Variants in APAF1 observed in about 807,000 individuals in gnomAD.
The protein encoded by APAF1 is apoptotic protease-activating factor 1.
In APAF1, 91 loss-of-function variants were observed where a neutral mutation model predicts 152.4. That is an observed-to-expected ratio of 0.60 (90% confidence interval 0.50 to 0.71). The LOEUF (loss-of-function observed/expected upper bound fraction) is 0.71. APAF1 is among the 30% of genes least tolerant of loss of function. The pLI is 0.00. For missense variants in APAF1, 1,283 were observed against 1,472.0 expected (o/e 0.87, Z 2.10); for synonymous variants, 484 against 494.1 (o/e 0.98, Z 0.27).
intron 13 of APAF1, 39 bp downstream of exon 13, chr12:98,677,590 T>C: frequency 6.2e-7 from 1 of 1,613,702 alleles, no homozygotes; most frequent in Non-Finnish European, 8.5e-7. Context: ...AAGAGGCATG[T>C]ATCCAGTTTT....
At chr12:98,715,600 A>G (rs1485596975) in intron 22 of APAF1, 48 bp downstream of exon 22, 4 of 1,604,278 alleles carry the variant, frequency 2.5e-6, no homozygotes, top group Non-Finnish European at 3.4e-6. Context: ...GATTCTAGCA[A>G]AGGAACACTA....
At chr12:98,648,925 A>G in intron 3 of APAF1, 110 bp downstream of exon 3, 1 of 1,071,340 alleles carries the variant, frequency 9.3e-7, no homozygotes, top group Non-Finnish European at 1.4e-6. Context: ...TGAAAACTGC[A>G]TGTTAAAAAA....
intron 9 of APAF1, 122 bp from the exon 10 acceptor site, chr12:98,667,391 C>T (rs1398808642): frequency 9.2e-6 from 11 of 1,190,478 alleles, no homozygotes; most frequent in Non-Finnish European, 1.3e-5. Flanking sequence ...GCTGGGATTA[C>T]AGGCGTGAGC....
Position 98,662,761 on chromosome 12 carries a change from G to A in APAF1, c.910G>A (p.Ala304Thr), listed in dbSNP as rs149321598. 5.6e-6 allele frequency: 9 copies of A among 1,611,724 alleles called. No homozygotes were observed. The highest frequency in any genetic ancestry group is 7.6e-6 in the Non-Finnish European group (9 of 1,179,094). ...ATCCCTTTTTGTTAATATGAAGAAG[G>A]CAGATTTGCCAGAACAAGCTCATAG... The part of the protein sequence containing the change: ...ILSLFVNMKK[A>T]DLPEQAHSII... The change falls in exon 7 of 27, where the codon GCA (alanine) becomes ACA (threonine). Residue 304 changes from alanine (A) to threonine (T), a missense_variant. Coordinates refer to ENST00000551964, the MANE Select transcript of APAF1 (RefSeq NM_181861.2).
chr12:98,706,088 A>G (rs2097721090), intron 18 of APAF1, among the ~76,000 whole-genome samples: 1 of 152,188 alleles, frequency 6.6e-6, no homozygotes, highest in Admixed American at 6.5e-5. Context: ...GTTCTTGTAC[A>G]TATTTTTCCA....
At chr12:98,717,013 A>G (rs969514015) in intron 22 of APAF1, among the ~76,000 whole-genome samples, 1 of 150,872 alleles carries the variant, frequency 6.6e-6, no homozygotes, top group African/African-American at 2.4e-5. Context: ...TTACAGCCGT[A>G]TGCCACCATG....
intron 16 of APAF1, among the ~76,000 whole-genome samples, chr12:98,687,198 A>G (rs2097698896): frequency 6.6e-6 from 1 of 152,068 alleles, no homozygotes; most frequent in African/African-American, 2.4e-5. Flanking sequence ...CCCCGTCTCT[A>G]CTAAAAATAC....
intron 17 of APAF1, 53 bp from the exon 18 acceptor site, chr12:98,703,318 G>A: frequency 1.3e-6 from 2 of 1,591,962 alleles, no homozygotes; most frequent in Non-Finnish European, 1.7e-6. Context: ...TATTAGAATA[G>A]CTTATCTCTT....
chr12:98,681,675 C>T (rs561569072), intron 14 of APAF1, among the ~76,000 whole-genome samples: 6 of 152,264 alleles, frequency 3.9e-5, no homozygotes, highest in East Asian at 3.9e-4. Context: ...AGATTGGACT[C>T]GTGGCTTAAC....
intron 18 of APAF1, among the ~76,000 whole-genome samples, chr12:98,704,250 A>G (rs2097718926): frequency 6.6e-6 from 1 of 152,082 alleles, no homozygotes; most frequent in Non-Finnish European, 1.5e-5. Flanking sequence ...TTACAGGTGT[A>G]TCACCTTGCC....
At chr12:98,706,213 T>C (rs975323429) in intron 18 of APAF1, among the ~76,000 whole-genome samples, 1 of 152,234 alleles carries the variant, frequency 6.6e-6, no homozygotes, top group African/African-American at 2.4e-5. Flanking sequence ...CTCATTGTTT[T>C]TAATGGCTGC....
intron 18 of APAF1, among the ~76,000 whole-genome samples, chr12:98,705,162 C>T (rs1475196867): frequency 6.6e-6 from 1 of 152,048 alleles, no homozygotes; most frequent in Non-Finnish European, 1.5e-5. Flanking sequence ...TAAGTAGCAA[C>T]CCCTCTTTCA....
intron 4 of APAF1, among the ~76,000 whole-genome samples, chr12:98,656,411 T>C (rs1200851205): frequency 6.6e-6 from 1 of 152,230 alleles, no homozygotes; most frequent in Non-Finnish European, 1.5e-5. Flanking sequence ...CAGGAAACTT[T>C]AGGAGTAAGC....
intron 4 of APAF1, 133 bp downstream of exon 4, chr12:98,649,817 G>A: frequency 1.2e-6 from 1 of 851,740 alleles, no homozygotes. Flanking sequence ...GGAAGGATAT[G>A]TTAACTCTCT....
At chr12:98,716,984 G>A (rs2097735479) in intron 22 of APAF1, among the ~76,000 whole-genome samples, 1 of 151,896 alleles carries the variant, frequency 6.6e-6, no homozygotes, top group Non-Finnish European at 1.5e-5. Context: ...TCCTGGCTCA[G>A]CCTCCTGAGT....
intron 17 of APAF1, among the ~76,000 whole-genome samples, 178 bp from the exon 18 acceptor site, chr12:98,703,193 A>G (rs1489638496): frequency 6.6e-6 from 1 of 152,226 alleles, no homozygotes; most frequent in African/African-American, 2.4e-5. Context: ...TAAGATGAGC[A>G]GTATTTTTAA....
At chr12:98,683,332 C>G in intron 15 of APAF1, 58 bp downstream of exon 15, 1 of 1,546,456 alleles carries the variant, frequency 6.5e-7, no homozygotes, top group Non-Finnish European at 8.9e-7. Flanking sequence ...CAGAGTATCT[C>G]CTTTGATTTT....
At chr12:98,664,440 A>T (rs1015594555) in intron 7 of APAF1, among the ~76,000 whole-genome samples, 6 of 152,232 alleles carry the variant, frequency 3.9e-5, no homozygotes, top group African/African-American at 1.2e-4. Context: ...GAAATTATCC[A>T]TAACCTGATA....
chr12:98,695,487 C>T (rs1413940404), intron 16 of APAF1, among the ~76,000 whole-genome samples: 1 of 152,124 alleles, frequency 6.6e-6, no homozygotes, highest in Non-Finnish European at 1.5e-5. Context: ...ACCTTAGCCT[C>T]CTGAGGAGCT....
Sources: allele counts gnomAD v4.1 joint callset (sites outside exome capture counted in the v4.1 genomes callset), GRCh38; gene constraint gnomAD v4.1.1; transcripts MANE v1.5; gene names NCBI Gene and HGNC (gene_info 2026-07-23, HGNC 2026-07-21).